Variants in STS observed in about 807,000 individuals in gnomAD.
The protein encoded by STS is steroid sulfatase, also known as steryl-sulfatase.
In STS, 7 loss-of-function variants were observed where a neutral mutation model predicts 26.8. The ratio of observed to expected loss-of-function variants is 0.26; its 90% CI spans 0.15 to 0.49. The LOEUF (loss-of-function observed/expected upper bound fraction) is 0.49. STS is among the 20% of genes least tolerant of loss of function. The probability of loss-of-function intolerance (pLI) is 0.98; values close to 1 mark genes in which losing one functional copy is unlikely to be tolerated. For synonymous variants in STS, 199 were observed against 189.4 expected, an observed-to-expected ratio of 1.05 and a Z score of -0.42; for missense variants, 434 against 465.6, an observed-to-expected ratio of 0.93 and a Z score of 0.63.
At chrX:7,335,694 CCT>C (rs1386911627) in intron 10 of STS, among the ~76,000 whole-genome samples, 6 of 111,782 alleles carry the variant, frequency 5.4e-5, no homozygotes, top group Non-Finnish European at 7.5e-5. Flanking sequence ...ATGCCTGTGT[CCT>C]GAATGGTATT....
chrX:7,197,752 G>C (rs1317023252), intron 2 of STS, among the ~76,000 whole-genome samples: 1 of 111,009 alleles, frequency 9.0e-6, no homozygotes, highest in African/African-American at 3.3e-5. Flanking sequence ...ACATCTAGAG[G>C]CTAGGAACAC....
intron 1 of STS, among the ~76,000 whole-genome samples, chrX:7,175,759 G>T (rs1186389567): frequency 8.1e-5 from 9 of 111,595 alleles, no homozygotes; most frequent in Non-Finnish European, 1.5e-4. Flanking sequence ...TGTGCCTTCA[G>T]TACTTCCTCG....
chrX:7,230,503 T>C (rs147337721), intron 2 of STS, among the ~76,000 whole-genome samples: 1,933 of 111,814 alleles, frequency 0.017, 49 homozygotes, highest in African/African-American at 0.06. Flanking sequence ...TATGTGGGCA[T>C]TGTATTGGTC....
intron 2 of STS, among the ~76,000 whole-genome samples, chrX:7,193,929 A>G (rs185765075): frequency 3.6e-5 from 4 of 110,713 alleles, no homozygotes; most frequent in African/African-American, 1.3e-4. Context: ...TTTGAGACAG[A>G]CTCTCACTCT....
chrX:7,293,563 C>T (rs1925519362), intron 7 of STS, among the ~76,000 whole-genome samples: 1 of 111,734 alleles, frequency 8.9e-6, no homozygotes, highest in African/African-American at 3.3e-5. Flanking sequence ...GCAGGTGAAT[C>T]CACATCTTCG....
chrX:7,197,880 C>T (rs1933999848), intron 2 of STS, among the ~76,000 whole-genome samples: 1 of 111,443 alleles, frequency 9.0e-6, no homozygotes, highest in East Asian at 2.8e-4. Flanking sequence ...CGATGCACAG[C>T]GTGCCTTAGT....
At chrX:7,261,926 C>T (rs1287789804) in intron 6 of STS, among the ~76,000 whole-genome samples, 3 of 111,849 alleles carry the variant, frequency 2.7e-5, no homozygotes, top group African/African-American at 6.5e-5. Flanking sequence ...TTATAGTTCA[C>T]ACCGCCTCTC....
chrX:7,196,512 TAA>T (rs60664866), intron 2 of STS, among the ~76,000 whole-genome samples: 34 of 105,632 alleles, frequency 3.2e-4, no homozygotes, highest in African/African-American at 9.3e-4. Flanking sequence ...TGTACTGATG[TAA>T]AAAAAAAAAG....
intron 2 of STS, among the ~76,000 whole-genome samples, chrX:7,204,465 TCC>T (rs1179396818): frequency 9.1e-6 from 1 of 109,725 alleles, no homozygotes; most frequent in African/African-American, 3.3e-5. Flanking sequence ...CTCTGTTGAT[TCC>T]CCTTCTTTCC....
In STS at chrX:7,349,813, C is replaced by T. The variant is rs868152614; in HGVS notation, c.1364-75C>T. On this transcript the variant is annotated intron_variant, in intron 10 of 10. Coordinates refer to ENST00000674429, the MANE Select transcript of STS (RefSeq NM_001320752.2). ...TTAAAGCACATGGCAGCATAATTTC[C>T]GCATCACTTTTTCATTTGTGGTACA... The T allele has an allele frequency of 1.2e-4, 145 of 1,179,307 alleles. No homozygotes were observed. The Middle Eastern group carries it at 2.8e-3, about 23-fold the overall frequency.
At chrX:7,197,478 G>A (rs746256257) in intron 2 of STS, among the ~76,000 whole-genome samples, 40 of 111,356 alleles carry the variant, frequency 3.6e-4, no homozygotes, top group African/African-American at 1.2e-3. Context: ...GGGCGTTCCC[G>A]AAGCTAAGAG....
intron 1 of STS, among the ~76,000 whole-genome samples, chrX:7,171,954 G>A (rs1569180753): frequency 9.0e-6 from 1 of 111,629 alleles, no homozygotes; most frequent in Non-Finnish European, 1.9e-5. Flanking sequence ...TTAATTCACC[G>A]AGTTGTACAA....
intron 7 of STS, among the ~76,000 whole-genome samples, chrX:7,297,369 A>G (rs760017964): frequency 9.0e-6 from 1 of 110,788 alleles, no homozygotes; most frequent in South Asian, 3.9e-4. Context: ...AAACATTGGT[A>G]TATAAGGTGA....
intron 7 of STS, among the ~76,000 whole-genome samples, chrX:7,289,559 C>T (rs925894617): frequency 3.6e-5 from 4 of 111,807 alleles, no homozygotes; most frequent in Admixed American, 1.9e-4. Context: ...GTGCATCCTT[C>T]CCTGACCTGT....
At chrX:7,207,120 G>C (rs1459086895) in intron 2 of STS, among the ~76,000 whole-genome samples, 1 of 111,682 alleles carries the variant, frequency 9.0e-6, no homozygotes, top group Non-Finnish European at 1.9e-5. Context: ...AGCCTGGGAG[G>C]AGGGGGTTCC....
At chrX:7,341,374 T>G (rs1342792453) in intron 10 of STS, among the ~76,000 whole-genome samples, 3 of 111,186 alleles carry the variant, frequency 2.7e-5, no homozygotes, top group Non-Finnish European at 5.7e-5. Flanking sequence ...CATCATCAGG[T>G]CTCATACTCC....
chrX:7,287,776 T>C (rs1182071737), intron 7 of STS, among the ~76,000 whole-genome samples: 2 of 110,577 alleles, frequency 1.8e-5, no homozygotes, highest in African/African-American at 6.6e-5. Context: ...GAAATAAAAA[T>C]TCAGCCGAGA....
intron 8 of STS, among the ~76,000 whole-genome samples, chrX:7,319,447 C>T (rs1422699058): frequency 9.1e-6 from 1 of 110,497 alleles, no homozygotes; most frequent in African/African-American, 3.3e-5. Flanking sequence ...AGACATGAGC[C>T]ACTGCACCCA....
intron 2 of STS, among the ~76,000 whole-genome samples, chrX:7,237,934 A>G (rs1263245954): frequency 9.0e-6 from 1 of 110,710 alleles, no homozygotes; most frequent in Non-Finnish European, 1.9e-5. Context: ...AGAACATGAG[A>G]TTTTTTACTT....
Sources: allele counts gnomAD v4.1 joint callset (sites outside exome capture counted in the v4.1 genomes callset), GRCh38; gene constraint gnomAD v4.1.1; transcripts MANE v1.5; gene names NCBI Gene and HGNC (gene_info 2026-07-23, HGNC 2026-07-21).